The following MYL3 variants were observed in gnomAD, a reference collection of about 807,000 sequenced individuals.
MYL3 encodes the protein CMLC1.
A neutral mutation model predicts 21.3 loss-of-function variants in MYL3; 11 were observed. The observed-to-expected ratio is 0.52, with a 90% CI of 0.32 to 0.85. MYL3 has a LOEUF of 0.85. MYL3 is among the 40% of genes least tolerant of loss of function. MYL3 has a pLI of 0.03. For synonymous variants in MYL3, 88 were observed against 91.6 expected, an observed-to-expected ratio of 0.96 and a Z score of 0.22; for missense variants, 206 against 253.3, an observed-to-expected ratio of 0.81 and a Z score of 1.27.
chr3:46,873,026 A>G (rs549605595), intron 1 of MYL3, among the ~76,000 whole-genome samples: 117 of 152,328 alleles, frequency 7.7e-4, no homozygotes, highest in African/African-American at 2.6e-3. Flanking sequence ...CAGCAGAGCC[A>G]CAGAGATAAC....
Position 46,858,368 on chromosome 3 carries a change from C to T in MYL3, c.559+16G>A. On this transcript the variant is annotated intron_variant, in intron 5 of 6. Transcript: ENST00000292327. ...GCACTCCCCTCCCAGAAGACCCCTG[C>T]CCCTGCTGAGCCCACCTTCATAGTT... 6.2e-7 allele frequency: 1 copy of T among 1,614,160 alleles called. No individual in the cohort carries two copies. The highest frequency in any genetic ancestry group is 8.5e-7 in the Non-Finnish European group (1 of 1,180,036).
upstream of MYL3, chr3:46,863,471 ATCCTGCCCGGATACC>A (rs1188392791): frequency 5.3e-6 from 8 of 1,506,104 alleles, no homozygotes; most frequent in Non-Finnish European, 6.4e-6. Flanking sequence ...CCAGGCCTTT[ATCCTGCCCGGATACC>A]TCATGACCCC....
Position 46,859,500 on chromosome 3 carries a change from C to A in MYL3, c.456G>T (p.Glu152Asp), listed in dbSNP as rs777855362. The A allele has an allele frequency of 1.9e-6, 3 of 1,614,206 alleles. No individual in the cohort carries two copies. Among genetic ancestry groups the A allele is most frequent in the Non-Finnish European group, 2.5e-6 (3 of 1,180,034 alleles). The change falls in exon 4 of 7, where the codon GAG (glutamate) becomes GAT (aspartate). Residue 152 changes from glutamate to aspartate, a missense_variant. Glu to Asp is a conservative substitution (Grantham distance 45, BLOSUM62 2). Coordinates refer to ENST00000292327, the MANE Select transcript of MYL3 (RefSeq NM_000258.3). This position sits in a 1 kb window ranked among gnomAD's most constrained non-coding sequence, Gnocchi z 4.1. ...KEGNGTVMGA[E>D]LRHVLATLGE... ...CCAGCGTGGCCAGCACGTGGCGAAG[C>A]TCAGCACCCATGACAGTGCCATTGC...
chr3:46,875,445 C>T (rs1456352928), intron 1 of MYL3, among the ~76,000 whole-genome samples: 1 of 152,200 alleles, frequency 6.6e-6, no homozygotes, highest in Non-Finnish European at 1.5e-5. Flanking sequence ...ACATCAGCTC[C>T]GCTTTGGACA....
rs1399462050 is a variant in MYL3, at chr3:46,861,141, C to G, written c.130-154G>C. On this transcript the variant is annotated intron_variant, in intron 1 of 6. Coordinates refer to ENST00000292327, the MANE Select transcript of MYL3 (RefSeq NM_000258.3). This position sits in a 1 kb window ranked among gnomAD's most constrained non-coding sequence, Gnocchi z 4.2. ...ACCCCCAGGACCTCCTGCAGTCCAT[C>G]TTGACGCCCTCCTGCCTCCTTGCCC... 6.6e-6 allele frequency among the ~76,000 whole-genome samples: 1 copy of G among 152,218 alleles called. No homozygotes were observed. Among genetic ancestry groups the G allele is most frequent in the Non-Finnish European group, 1.5e-5 (1 of 68,044 alleles).
At position 46,879,055 on chromosome 3, in the gene MYL3, C is replaced by A. The variant is rs1036937866; in HGVS notation, c.-218+3019G>T. 6.6e-6 allele frequency among the ~76,000 whole-genome samples: 1 copy of A among 152,204 alleles called. No homozygotes were observed. The highest frequency in any genetic ancestry group is 1.5e-5 in the Non-Finnish European group (1 of 68,036). On this transcript the variant is annotated intron_variant, in intron 1 of 3. Transcript: ENST00000431168. This position sits in a 1 kb window ranked among gnomAD's most constrained non-coding sequence, Gnocchi z 4.7. ...GGGTGCTACCAGTTAATGTGTGACACCCCCACCCTCATGGTAGCACTTTAA... is the reference window on the plus strand; with the variant it reads ...GGGTGCTACCAGTTAATGTGTGACAACCCCACCCTCATGGTAGCACTTTAA...
intron 1 of MYL3, among the ~76,000 whole-genome samples, chr3:46,869,325 C>A (rs1380265375): frequency 6.6e-6 from 1 of 152,182 alleles, no homozygotes; most frequent in Non-Finnish European, 1.5e-5. Context: ...CCTGAAATGA[C>A]CAGAAGCCCC....
upstream of MYL3, chr3:46,863,583 A>G: frequency 1.7e-6 from 1 of 593,904 alleles, no homozygotes; most frequent in Non-Finnish European, 2.9e-6. Context: ...TGGGGAGGGC[A>G]TTGTTCAGGC....
At chr3:46,875,538 G>T (rs368346021) in intron 1 of MYL3, among the ~76,000 whole-genome samples, 1 of 152,322 alleles carries the variant, frequency 6.6e-6, no homozygotes, top group East Asian at 1.9e-4. Flanking sequence ...ACCCTTCTGG[G>T]GCCTGATCTA....
At chr3:46,876,044 G>C (rs2030194871) in intron 1 of MYL3, among the ~76,000 whole-genome samples, 1 of 152,272 alleles carries the variant, frequency 6.6e-6, no homozygotes, top group Admixed American at 6.5e-5. Context: ...AAGGCTCGAG[G>C]AGAGAAAGGC....
Position 46,859,689 on chromosome 3 carries a change from G to A in MYL3, c.308-41C>T, listed in dbSNP as rs768319909. On this transcript the variant is annotated intron_variant, in intron 3 of 6. Transcript: ENST00000292327. The surrounding 1 kb of genome is among the most constrained non-coding windows in gnomAD (Gnocchi z 4.1). The stretch of plus-strand genomic sequence containing the variant: ...CCCAGGTTCCAGGGTCTAAGGCTGG[G>A]GTGGGCACACCCCTCCCCCATGCCT... 2 of 1,611,508 alleles carry A rather than the reference G, an allele frequency of 1.2e-6. No homozygotes were observed. The highest frequency in any genetic ancestry group is 1.7e-6 in the Non-Finnish European group (2 of 1,177,810).
rs1553639934 is a variant in MYL3, at chr3:46,860,788, G to A, written c.195C>T (p.Pro65=). 1 of 1,614,096 alleles carries A rather than the reference G, an allele frequency of 6.2e-7. No homozygotes were observed. The highest frequency in any genetic ancestry group is 8.5e-7 in the Non-Finnish European group (1 of 1,180,018). Residue 65 remains proline (P), a synonymous_variant, in exon 3 of 7, where the codon CCC becomes CCT. Transcript: ENST00000292327. This position sits in a 1 kb window ranked among gnomAD's most constrained non-coding sequence, Gnocchi z 4.6. ...KEAFMLFDRT[P]KCEMKITYGQ... is the part of the protein sequence containing the mutation. ...CGTAGGTGATCTTCATCTCACACTT[G>A]GGTGTGCGGTCGAACAGCATGAAGG...
Position 46,874,907 on chromosome 3 carries a change from G to C in MYL3, c.-218+7167C>G, listed in dbSNP as rs2030132320. ...GCATGTGGGGGCACTGATGAAAGGG[G>C]ATCTGGTGGGGAGGCCTTTCTCCTA... is the stretch of plus-strand genomic sequence containing the variant. On this transcript the variant is annotated intron_variant, in intron 1 of 3. Transcript: ENST00000431168. The surrounding 1 kb of genome is among the most constrained non-coding windows in gnomAD (Gnocchi z 4.1). Among the ~76,000 whole-genome samples the C allele has an allele frequency of 6.6e-6, 1 of 152,202 alleles. No individual in the cohort carries two copies. Among genetic ancestry groups the C allele is most frequent in the Non-Finnish European group, 1.5e-5 (1 of 68,030 alleles).
intron 1 of MYL3, among the ~76,000 whole-genome samples, chr3:46,876,311 G>T (rs2030209915): frequency 6.6e-6 from 1 of 152,220 alleles, no homozygotes; most frequent in African/African-American, 2.4e-5. Flanking sequence ...GGAGGTAGAG[G>T]CTCTGGCAGT....
At position 46,879,605 on chromosome 3, in the gene MYL3, G is replaced by A. The variant is rs1016141408; in HGVS notation, c.-218+2469C>T. Among the ~76,000 whole-genome samples, 5 of 152,174 alleles carry A rather than the reference G, an allele frequency of 3.3e-5. No homozygotes were observed. Among genetic ancestry groups the A allele is most frequent in the Non-Finnish European group, 5.9e-5 (4 of 68,030 alleles). Reference sequence around the variant, plus strand: ...AAAAAAAAAATTTTTTAATTACCCAGGTGTGGTAGCTCATGCCTGTGGTGC... The same window carrying A: ...AAAAAAAAAATTTTTTAATTACCCAAGTGTGGTAGCTCATGCCTGTGGTGC... On this transcript the variant is annotated intron_variant, in intron 1 of 3. Transcript: ENST00000431168. This position sits in a 1 kb window ranked among gnomAD's most constrained non-coding sequence, Gnocchi z 4.7.
At chr3:46,876,053 G>A (rs779498757) in intron 1 of MYL3, among the ~76,000 whole-genome samples, 2 of 152,252 alleles carry the variant, frequency 1.3e-5, no homozygotes, top group Non-Finnish European at 2.9e-5. Context: ...GGAGAGAAAG[G>A]CCTTCAGGTT....
Position 46,871,583 on chromosome 3 carries a change from C to G in MYL3, c.-217-4983G>C, listed in dbSNP as rs186010680. Among the ~76,000 whole-genome samples the G allele has an allele frequency of 4.0e-3, 612 of 152,156 alleles. 1 individual carries two copies. The highest frequency in any genetic ancestry group is 5.9e-3 in the Non-Finnish European group (402 of 67,990). On this transcript the variant is annotated intron_variant, in intron 1 of 3. Coordinates refer to the MYL3 transcript ENST00000431168. ...GAAGGAGAGATGGTTGGGAGACAGG[C>G]AAGCTCCCATCAGGTCAGCCTTGAG...
chr3:46,866,185 C>A (rs1288379132), upstream of MYL3, among the ~76,000 whole-genome samples: 1 of 152,204 alleles, frequency 6.6e-6, no homozygotes, highest in Non-Finnish European at 1.5e-5. Flanking sequence ...CCCTCTCTCT[C>A]CCACATCCCA....
intron 1 of MYL3, among the ~76,000 whole-genome samples, chr3:46,869,507 G>A (rs933303976): frequency 3.9e-5 from 6 of 152,224 alleles, no homozygotes; most frequent in Non-Finnish European, 7.3e-5. Flanking sequence ...TAGGTGTGAG[G>A]ACATGCAGAC....
Sources: gnomAD v4.1 joint callset for allele counts (sites outside exome capture counted in the v4.1 genomes callset) on GRCh38, gnomAD v4.1.1 for gene constraint, Gnocchi (gnomAD v3.1) non-coding constraint, MANE v1.5 for transcripts, NCBI Gene and HGNC (gene_info 2026-07-23, HGNC 2026-07-21) for gene names.